The following MRPS9 variants were observed in gnomAD, a reference collection of about 807,000 sequenced individuals.
MRPS9 encodes the protein small ribosomal subunit protein uS9m.
MRPS9 carries 45 observed loss-of-function variants against 59.9 expected under a neutral mutation model. The observed-to-expected ratio is 0.75, with a 90% CI of 0.59 to 0.96. The LOEUF is 0.96. Ranked by LOEUF, MRPS9 falls within the 40% of genes least tolerant of loss-of-function variation. The pLI, the probability that MRPS9 is intolerant of heterozygous loss-of-function variation, is 0.00. For synonymous variants in MRPS9, 171 were observed against 166.8 expected, an observed-to-expected ratio of 1.03 and a Z score of -0.19; for missense variants, 473 against 481.1, an observed-to-expected ratio of 0.98 and a Z score of 0.16.
intron 5 of MRPS9, among the ~76,000 whole-genome samples, chr2:105,080,718 C>T (rs956574481): frequency 2.6e-5 from 4 of 152,104 alleles, no homozygotes; most frequent in Non-Finnish European, 4.4e-5. Flanking sequence ...ATATCAAGTT[C>T]TATTTTACTC....
rs1383170187 is a variant in MRPS9, at chr2:105,097,247, C to G, written c.1022C>G (p.Ala341Gly). ...TVSGGGRSAQ[A>G]GAIRLAMAKA... ...TCAGGGGGCGGGAGGTCAGCGCAGG[C>G]TGGAGCAATACGACTGGCAATGGCA... The change falls in exon 10 of 11, where the codon GCT becomes GGT. Residue 341 changes from alanine (A) to glycine (G), a missense_variant. Transcript: ENST00000258455. 1 of 1,613,064 alleles carries G rather than the reference C, an allele frequency of 6.2e-7. No homozygotes were observed. Among genetic ancestry groups the G allele is most frequent in the African/African-American group, 1.3e-5 (1 of 74,790 alleles).
At chr2:105,044,175 C>T (rs1679552189) in intron 1 of MRPS9, among the ~76,000 whole-genome samples, 1 of 151,694 alleles carries the variant, frequency 6.6e-6, no homozygotes, top group Non-Finnish European at 1.5e-5. Flanking sequence ...ACAGTTGATC[C>T]GCCCACTTCG....
At chr2:105,093,723 C>G (rs1254615814) in intron 9 of MRPS9, 85 bp downstream of exon 9, 1 of 584,442 alleles carries the variant, frequency 1.7e-6, no homozygotes, top group East Asian at 3.0e-5. Context: ...TTGTGATCTT[C>G]TAATTCTGTT....
chr2:105,047,739 C>G (rs550623698), intron 1 of MRPS9, among the ~76,000 whole-genome samples: 1 of 152,148 alleles, frequency 6.6e-6, no homozygotes, highest in East Asian at 1.9e-4. Flanking sequence ...CATTTGAAAA[C>G]ATTTTTCTCG....
At position 105,097,142 on chromosome 2, in the gene MRPS9, T is replaced by C; in HGVS notation, c.930-13T>C. Reference sequence around the variant, plus strand: ...TAGTAAACGTAACCACATTTACTTGTGCTGTGCTTTAGAGAACAGCTGATG... The same window carrying C: ...TAGTAAACGTAACCACATTTACTTGCGCTGTGCTTTAGAGAACAGCTGATG... On this transcript the variant is annotated splice_polypyrimidine_tract_variant and intron_variant, in intron 9 of 10. Coordinates refer to ENST00000258455, the MANE Select transcript of MRPS9 (RefSeq NM_182640.3). The C allele has an allele frequency of 6.6e-7, 1 of 1,512,976 alleles. No individual in the cohort carries two copies. The highest frequency in any genetic ancestry group is 1.4e-5 in the African/African-American group (1 of 71,244). The allele number at this position is 1,512,976 out of a possible 1,614,324, so 93.7% of individuals were successfully genotyped here.
chr2:105,055,791 A>G (rs1679782234), intron 2 of MRPS9, among the ~76,000 whole-genome samples: 1 of 152,212 alleles, frequency 6.6e-6, no homozygotes, highest in African/African-American at 2.4e-5. Flanking sequence ...ATCAACTGAA[A>G]GAAACACTAT....
intron 2 of MRPS9, among the ~76,000 whole-genome samples, chr2:105,050,024 T>G (rs1032463290): frequency 2.6e-5 from 4 of 152,220 alleles, no homozygotes; most frequent in African/African-American, 9.6e-5. Context: ...TTAGTCATTT[T>G]ATGCACTTTA....
At chr2:105,091,934 G>C (rs1486641153) in intron 7 of MRPS9, among the ~76,000 whole-genome samples, 1 of 152,188 alleles carries the variant, frequency 6.6e-6, no homozygotes, top group Admixed American at 6.5e-5. Flanking sequence ...AGCTTGAACA[G>C]CCAAAGATAT....
At chr2:105,039,985 C>A (rs1244642384) in intron 1 of MRPS9, among the ~76,000 whole-genome samples, 1 of 152,142 alleles carries the variant, frequency 6.6e-6, no homozygotes, top group Non-Finnish European at 1.5e-5. Context: ...AAGATAGTAT[C>A]CACCCTTAGC....
At chr2:105,052,160 A>G (rs577022495) in intron 2 of MRPS9, among the ~76,000 whole-genome samples, 45 of 152,286 alleles carry the variant, frequency 3.0e-4, no homozygotes, top group African/African-American at 1.1e-3. Context: ...AACAATGTTG[A>G]GTAGAAATGG....
chr2:105,069,085 A>G (rs572776364), intron 2 of MRPS9, among the ~76,000 whole-genome samples: 18 of 152,264 alleles, frequency 1.2e-4, no homozygotes, highest in African/African-American at 4.3e-4. Flanking sequence ...CCTCGCCAAC[A>G]GTGTGCTGTC....
At chr2:105,063,158 T>A (rs913082617) in intron 2 of MRPS9, among the ~76,000 whole-genome samples, 1 of 152,182 alleles carries the variant, frequency 6.6e-6, no homozygotes, top group African/African-American at 2.4e-5. Context: ...TAGTCTCAGC[T>A]CCTTGGGCGT....
At chr2:105,044,678 C>G (rs2104438302) in intron 1 of MRPS9, among the ~76,000 whole-genome samples, 1 of 152,280 alleles carries the variant, frequency 6.6e-6, no homozygotes, top group South Asian at 2.1e-4. Flanking sequence ...GTCACAAACT[C>G]TGGAGACTAT....
chr2:105,057,579 G>T (rs768022375), intron 2 of MRPS9, among the ~76,000 whole-genome samples: 20 of 152,200 alleles, frequency 1.3e-4, no homozygotes, highest in Non-Finnish European at 2.4e-4. Flanking sequence ...CTAAAGAACA[G>T]CTAGGTGAGG....
intron 5 of MRPS9, among the ~76,000 whole-genome samples, chr2:105,088,691 C>T (rs1477702701): frequency 6.6e-6 from 1 of 151,880 alleles, no homozygotes; most frequent in Non-Finnish European, 1.5e-5. Flanking sequence ...TAACCAACCT[C>T]ACTGAAGTAG....
At chr2:105,044,300 C>A (rs1400896002) in intron 1 of MRPS9, among the ~76,000 whole-genome samples, 1 of 152,198 alleles carries the variant, frequency 6.6e-6, no homozygotes, top group Non-Finnish European at 1.5e-5. Context: ...AGCTAAAGAT[C>A]TGTTTTTTTC....
At position 105,048,882 on chromosome 2, in the gene MRPS9, G is replaced by A. The variant is rs150590113; in HGVS notation, c.136-289G>A. On this transcript the variant is annotated intron_variant, in intron 1 of 10. Transcript: ENST00000258455. ...ACATTGACCAATCATTATCAAAAGT[G>A]GATGTTTAAAATAGATCAGGAGGTA... is the stretch of plus-strand genomic sequence containing the variant. Among the ~76,000 whole-genome samples the A allele has an allele frequency of 7.2e-5, 11 of 152,002 alleles. No homozygotes were observed. In the East Asian group the frequency reaches 1.9e-3, roughly 27 times the overall value.
At chr2:105,049,961 GAAC>G (rs77117182) in intron 2 of MRPS9, among the ~76,000 whole-genome samples, 31,399 of 151,914 alleles carry the variant, frequency 0.21, 3,293 homozygotes, top group Middle Eastern at 0.35. Context: ...TTTAATCGAA[GAAC>G]AACATCTTTG....
At chr2:105,038,294 C>G in intron 1 of MRPS9, 67 bp downstream of exon 1, 1 of 1,559,162 alleles carries the variant, frequency 6.4e-7, no homozygotes, top group East Asian at 2.4e-5. Flanking sequence ...AGCGCGGACA[C>G]CTTCCCCCAG....
Sources: allele counts gnomAD v4.1 joint callset (sites outside exome capture counted in the v4.1 genomes callset), GRCh38; gene constraint gnomAD v4.1.1; transcripts MANE v1.5; gene names NCBI Gene and HGNC (gene_info 2026-07-23, HGNC 2026-07-21).